The following CREBBP variants were observed in gnomAD, a reference collection of about 807,000 sequenced individuals.
CREBBP encodes CREB-binding protein.
A neutral mutation model predicts 265.0 loss-of-function variants in CREBBP; 19 were observed. The observed-to-expected ratio is 0.07, with a 90% CI of 0.05 to 0.11. CREBBP has a LOEUF of 0.11. Ranked by LOEUF, CREBBP falls within the 10% of genes least tolerant of loss-of-function variation. The pLI, the probability that CREBBP is intolerant of heterozygous loss-of-function variation, is 1.00. For missense variants in CREBBP, 2,525 were observed against 3,219.0 expected (o/e 0.78, Z 5.22); for synonymous variants, 1,457 against 1,223.7 (o/e 1.19, Z -3.98).
intron 4 of CREBBP, among the ~76,000 whole-genome samples, chr16:3,792,855 C>A (rs1047931173): frequency 4.6e-5 from 7 of 152,210 alleles, no homozygotes; most frequent in South Asian, 2.1e-4. Flanking sequence ...TTCACCACCC[C>A]CCCTGGGATG....
chr16:3,729,577 C>T lies in CREBBP; in HGVS notation c.5470G>A (p.Ala1824Thr), dbSNP rs1284271051. The T allele has an allele frequency of 6.2e-7, 1 of 1,614,140 alleles. No homozygotes were observed. Among genetic ancestry groups the T allele is most frequent in the Non-Finnish European group, 8.5e-7 (1 of 1,180,010 alleles). Residue 1824 changes from alanine (A) to threonine (T), a missense_variant, in exon 31 of 31, where the codon GCC becomes ACC. Ala to Thr is a moderately conservative substitution (Grantham distance 58). Coordinates refer to ENST00000262367, the MANE Select transcript of CREBBP (RefSeq NM_004380.3). Reference sequence around the variant, plus strand: ...TGCTTGGCGTGGTAGCAGCAGAGGGCGATGAGCTGCTTGCACACCGGGCAG... The same window carrying T: ...TGCTTGGCGTGGTAGCAGCAGAGGGTGATGAGCTGCTTGCACACCGGGCAG... The part of the protein sequence containing the change: ...GGCPVCKQLI[A>T]LCCYHAKHCQ...
At chr16:3,879,030 T>TTAACA (rs71133664) in intron 1 of CREBBP, among the ~76,000 whole-genome samples, 147,977 of 152,068 alleles carry the variant, frequency 0.97, 72,097 homozygotes, top group Middle Eastern at 1. Context: ...CCTACATTCC[T>TTAACA]TAATTCTTTG....
chr16:3,788,159 C>T (rs950492689), intron 5 of CREBBP, among the ~76,000 whole-genome samples: 1 of 152,196 alleles, frequency 6.6e-6, no homozygotes, highest in African/African-American at 2.4e-5. Context: ...TCAACAGTCC[C>T]TGGGGGACTC....
intron 2 of CREBBP, among the ~76,000 whole-genome samples, chr16:3,837,173 C>A (rs1460601620): frequency 6.6e-6 from 1 of 152,152 alleles, no homozygotes; most frequent in Non-Finnish European, 1.5e-5. Flanking sequence ...CATGTTACTG[C>A]TTCTGAAGAC....
At chr16:3,860,707 C>G (rs1471722857) in intron 1 of CREBBP, among the ~76,000 whole-genome samples, 3 of 151,992 alleles carry the variant, frequency 2.0e-5, no homozygotes, top group African/African-American at 7.3e-5. Context: ...AAAACTTGAT[C>G]CAGCAAGGGC....
chr16:3,814,539 A>G (rs1407938206), intron 2 of CREBBP, among the ~76,000 whole-genome samples: 1 of 152,008 alleles, frequency 6.6e-6, no homozygotes, highest in Non-Finnish European at 1.5e-5. Flanking sequence ...TTACAGGTAT[A>G]AGCCACCACG....
chr16:3,878,093 GT>G (rs2055441052), intron 1 of CREBBP, among the ~76,000 whole-genome samples: 1 of 152,100 alleles, frequency 6.6e-6, no homozygotes, highest in South Asian at 2.1e-4. Flanking sequence ...GTTACTAATT[GT>G]CCCCCTTTTT....
At position 3,770,860 on chromosome 16, in the gene CREBBP, C is replaced by A; in HGVS notation, c.2590G>T (p.Ala864Ser). 1 of 1,613,860 alleles carries A rather than the reference C, an allele frequency of 6.2e-7. No homozygotes were observed. Among genetic ancestry groups the A allele is most frequent in the Non-Finnish European group, 8.5e-7 (1 of 1,179,992 alleles). The change falls in exon 14 of 31, where the codon GCT (alanine) becomes TCT (serine). Residue 864 changes from alanine (A) to serine (S), a missense_variant. This residue lies in a region of CREBBP where 548 missense variants were observed against 533.0 expected (regional missense o/e 1.03). Coordinates refer to ENST00000262367, the MANE Select transcript of CREBBP (RefSeq NM_004380.3). ...HPTPPPASTA[A>S]GMPSLQHTTP... The stretch of plus-strand genomic sequence containing the variant: ...GTGTGCTGGAGAGATGGCATGCCAG[C>A]AGCCGTGGAAGCAGGAGGCGGTGTT...
intron 2 of CREBBP, among the ~76,000 whole-genome samples, chr16:3,845,797 G>A (rs1202207609): frequency 1.3e-5 from 2 of 151,394 alleles, no homozygotes; most frequent in African/African-American, 4.9e-5. Flanking sequence ...TGAGGCAGGC[G>A]GATCACCTGA....
chr16:3,854,533 C>T (rs1036049293), intron 1 of CREBBP, among the ~76,000 whole-genome samples: 3 of 152,208 alleles, frequency 2.0e-5, no homozygotes, highest in South Asian at 4.1e-4. Flanking sequence ...TTTAACCTCA[C>T]CCTAACCCTA....
At chr16:3,834,104 C>T (rs910245980) in intron 2 of CREBBP, among the ~76,000 whole-genome samples, 1 of 152,176 alleles carries the variant, frequency 6.6e-6, no homozygotes, top group African/African-American at 2.4e-5. Context: ...AAATCCAGAA[C>T]ACTGTCAACA....
chr16:3,744,007 T>C (rs1007184928), intron 23 of CREBBP, among the ~76,000 whole-genome samples: 2 of 151,556 alleles, frequency 1.3e-5, no homozygotes, highest in Non-Finnish European at 2.9e-5. Flanking sequence ...ACCCAGGAGG[T>C]GGAGGTTGCA....
chr16:3,744,960 A>C lies in CREBBP; in HGVS notation c.3916T>G (p.Phe1306Val), dbSNP rs762120512. 14 of 1,611,876 alleles carry C rather than the reference A, an allele frequency of 8.7e-6. No individual in the cohort carries two copies. Among genetic ancestry groups the C allele is most frequent in the African/African-American group, 1.3e-5 (1 of 74,870 alleles). ...LHYDIIWPSG[F>V]VCDNCLKKTG... Reference sequence around the variant, plus strand: ...TTCTTCAAGCAGTTGTCGCACACAAAACTGCAAAATAATAGTGGTATGATG... The same window carrying C: ...TTCTTCAAGCAGTTGTCGCACACAACACTGCAAAATAATAGTGGTATGATG... The change falls in exon 23 of 31, where the codon TTT (phenylalanine) becomes GTT (valine). Residue 1306 changes from phenylalanine to valine, a missense_variant and splice_region_variant. Phe to Val is a conservative substitution (Grantham distance 50, BLOSUM62 -1). This residue lies in a region of CREBBP where 252 missense variants were observed against 452.5 expected (regional missense o/e 0.56). Coordinates refer to ENST00000262367, the MANE Select transcript of CREBBP (RefSeq NM_004380.3).
chr16:3,870,811 C>CTA (rs956445842), intron 1 of CREBBP, among the ~76,000 whole-genome samples: 6 of 152,064 alleles, frequency 3.9e-5, no homozygotes, highest in African/African-American at 1.4e-4. Flanking sequence ...CCTCAACCTG[C>CTA]TATATGCCAG....
At chr16:3,764,221 C>T (rs2052792659) in intron 16 of CREBBP, among the ~76,000 whole-genome samples, 1 of 151,578 alleles carries the variant, frequency 6.6e-6, no homozygotes, top group South Asian at 2.1e-4. Flanking sequence ...TTCCTCCTGC[C>T]TTAGCCTCCC....
At chr16:3,872,537 G>A (rs908842559) in intron 1 of CREBBP, among the ~76,000 whole-genome samples, 1 of 152,188 alleles carries the variant, frequency 6.6e-6, no homozygotes, top group African/African-American at 2.4e-5. Flanking sequence ...AGCCAAGTTT[G>A]AGCCTGACTG....
At chr16:3,813,777 C>A (rs2053982510) in intron 2 of CREBBP, among the ~76,000 whole-genome samples, 1 of 152,206 alleles carries the variant, frequency 6.6e-6, no homozygotes, top group Non-Finnish European at 1.5e-5. Flanking sequence ...TGTCACGGAG[C>A]TCACACCTTA....
intron 1 of CREBBP, among the ~76,000 whole-genome samples, chr16:3,869,933 G>C (rs145385916): frequency 1.3e-5 from 2 of 152,322 alleles, no homozygotes; most frequent in African/African-American, 4.8e-5. Context: ...CTCAACAGAA[G>C]TTCAACTACG....
In CREBBP at chr16:3,777,220, A is replaced by G. The variant is rs190138798; in HGVS notation, c.2158+393T>C. Among the ~76,000 whole-genome samples, 498 of 151,312 alleles carry G rather than the reference A, an allele frequency of 3.3e-3. 5 individuals are homozygous for G. Among genetic ancestry groups the G allele is most frequent in the African/African-American group, 0.012 (474 of 41,212 alleles). On this transcript the variant is annotated intron_variant, in intron 11 of 30. Transcript: ENST00000262367. ...CGTGGTGGTGGGCGCCTGTAGTCCC[A>G]GCTACTCAGGAGGCTGAGGCAGGAG... is the stretch of plus-strand genomic sequence containing the variant.
Sources: gnomAD v4.1 joint callset for allele counts (sites outside exome capture counted in the v4.1 genomes callset) on GRCh38, gnomAD v4.1.1 for gene constraint, gnomAD v4.1.1 regional missense constraint, MANE v1.5 for transcripts, NCBI Gene and HGNC (gene_info 2026-07-23, HGNC 2026-07-21) for gene names.